XIRP2: variants seen among roughly 807,000 people sequenced by gnomAD.
The protein encoded by XIRP2 is xin actin binding repeat containing 2.
In XIRP2, 236 loss-of-function variants were observed where a neutral mutation model predicts 277.0. The ratio of observed to expected loss-of-function variants is 0.85; its 90% confidence interval spans 0.77 to 0.95. The LOEUF (loss-of-function observed/expected upper bound fraction) is 0.95, where lower values mean the gene tolerates loss of function less well. Ranked by LOEUF, XIRP2 falls within the 40% of genes least tolerant of loss-of-function variation. The pLI is 0.00. For synonymous variants in XIRP2, 1,490 were observed against 1,416.5 expected (o/e 1.05, Z -1.17); for missense variants, 4,640 against 4,157.5 (o/e 1.12, Z -3.19).
At chr2:167,077,241 G>T (rs561257253) in intron 2 of XIRP2, among the ~76,000 whole-genome samples, 1 of 152,092 alleles carries the variant, frequency 6.6e-6, no homozygotes, top group African/African-American at 2.4e-5. Flanking sequence ...ACATGAATGG[G>T]TATTCAGGTG....
At chr2:167,003,946 A>T (rs541956199) in intron 2 of XIRP2, among the ~76,000 whole-genome samples, 3 of 152,060 alleles carry the variant, frequency 2.0e-5, no homozygotes, top group African/African-American at 7.2e-5. Context: ...AATTATTAGG[A>T]TAACAACATA....
At chr2:167,216,881 C>A in intron 4 of XIRP2, among the ~76,000 whole-genome samples, 1 of 115,146 alleles carries the variant, frequency 8.7e-6, no homozygotes, top group Admixed American at 8.1e-5. Context: ...TTGGAACCAA[C>A]CCAAATGTCC....
At chr2:167,109,012 C>T (rs983604833) in intron 2 of XIRP2, among the ~76,000 whole-genome samples, 1 of 151,818 alleles carries the variant, frequency 6.6e-6, no homozygotes, top group Non-Finnish European at 1.5e-5. Context: ...CTGATACTGT[C>T]CTTCCTCCCA....
intron 2 of XIRP2, among the ~76,000 whole-genome samples, chr2:167,025,347 T>C (rs1249553052): frequency 2.6e-5 from 4 of 151,864 alleles, no homozygotes; most frequent in African/African-American, 7.2e-5. Flanking sequence ...TTCTCTCTTT[T>C]CTTCTTTATT....
intron 2 of XIRP2, among the ~76,000 whole-genome samples, chr2:167,007,418 G>T (rs1189830146): frequency 6.6e-6 from 1 of 151,474 alleles, no homozygotes; most frequent in East Asian, 1.9e-4. Flanking sequence ...CATTAATTTA[G>T]GATATCTCAG....
intron 2 of XIRP2, among the ~76,000 whole-genome samples, chr2:166,906,923 G>A (rs1684540290): frequency 6.6e-6 from 1 of 152,014 alleles, no homozygotes; most frequent in South Asian, 2.1e-4. Flanking sequence ...CCATCAATAA[G>A]CAAACAAACA....
At chr2:166,994,974 C>G (rs528072675) in intron 2 of XIRP2, among the ~76,000 whole-genome samples, 12 of 151,922 alleles carry the variant, frequency 7.9e-5, no homozygotes, top group African/African-American at 2.9e-4. Context: ...CTCCGCCTCC[C>G]GGGTTCAAGT....
intron 2 of XIRP2, among the ~76,000 whole-genome samples, chr2:166,950,435 A>T (rs1685996858): frequency 6.6e-6 from 1 of 152,032 alleles, no homozygotes; most frequent in Non-Finnish European, 1.5e-5. Context: ...TAGAGTTGTT[A>T]CTTTTGGCAG....
intron 2 of XIRP2, among the ~76,000 whole-genome samples, chr2:167,101,129 G>T (rs1162959385): frequency 6.6e-6 from 1 of 152,076 alleles, no homozygotes; most frequent in Non-Finnish European, 1.5e-5. Flanking sequence ...TGTAATTCAA[G>T]TACTATGACA....
chr2:166,947,093 T>C (rs1026099872), intron 2 of XIRP2, among the ~76,000 whole-genome samples: 9 of 152,142 alleles, frequency 5.9e-5, no homozygotes, highest in African/African-American at 2.2e-4. Flanking sequence ...AATCTATCAA[T>C]AAACATAGAT....
At chr2:166,910,207 C>T (rs1684660771) in intron 2 of XIRP2, among the ~76,000 whole-genome samples, 1 of 152,090 alleles carries the variant, frequency 6.6e-6, no homozygotes. Flanking sequence ...CTCCTTGTAC[C>T]TCTGGTAGAA....
At chr2:167,024,066 T>C (rs191735036) in intron 2 of XIRP2, among the ~76,000 whole-genome samples, 4,588 of 152,166 alleles carry the variant, frequency 0.03, 81 homozygotes, top group East Asian at 0.083. Context: ...ATTTTCATGA[T>C]ATTGATTCTT....
In XIRP2 at chr2:167,242,826, T is replaced by C. The variant is rs1396230893; in HGVS notation, c.1434T>C (p.Pro478=). Reference sequence around the variant, plus strand: ...CCCAGTCCCCTGAACTGCCCAGTCCTCCTAGAAGACTACCAGTCCCCAAAG... The same window carrying C: ...CCCAGTCCCCTGAACTGCCCAGTCCCCCTAGAAGACTACCAGTCCCCAAAG... The part of the protein sequence containing the change: ...AFSQSPELPS[P]PRRLPVPKDV... The change falls in exon 9 of 11, where the codon CCT becomes CCC. Residue 478 remains proline (P), a synonymous_variant. Coordinates refer to ENST00000409195, the MANE Select transcript of XIRP2 (RefSeq NM_152381.6). 15 of 1,613,986 alleles carry C rather than the reference T, an allele frequency of 9.3e-6. No individual in the cohort carries two copies. The highest frequency in any genetic ancestry group is 1.3e-5 in the Non-Finnish European group (15 of 1,179,994).
At chr2:166,903,940 T>A in intron 2 of XIRP2, 50 bp downstream of exon 2, 1 of 1,556,034 alleles carries the variant, frequency 6.4e-7, no homozygotes, top group Non-Finnish European at 8.7e-7. Flanking sequence ...CTTCCTTGCC[T>A]AGCCTACCAT....
In XIRP2 at chr2:166,903,821, C is replaced by G. The variant is rs377273154; in HGVS notation, c.339C>G (p.Ala113=). Residue 113 remains alanine, a synonymous_variant, in exon 2 of 11, where the codon GCC becomes GCG. Coordinates refer to ENST00000409195, the MANE Select transcript of XIRP2 (RefSeq NM_152381.6). ...GCAGGATTGAACGCTTTTCCATTGCCCTTGATGAGCTGAGGAGTGTGTTTG... is the reference window on the plus strand; with the variant it reads ...GCAGGATTGAACGCTTTTCCATTGCGCTTGATGAGCTGAGGAGTGTGTTTG... ...SRRRIERFSI[A]LDELRSVFEA... 6.2e-7 allele frequency: 1 copy of G among 1,613,620 alleles called. No individual in the cohort carries two copies. Among genetic ancestry groups the G allele is most frequent in the East Asian group, 2.2e-5 (1 of 44,818 alleles).
At chr2:167,012,704 C>A (rs906242519) in intron 2 of XIRP2, among the ~76,000 whole-genome samples, 1 of 151,432 alleles carries the variant, frequency 6.6e-6, no homozygotes, top group Non-Finnish European at 1.5e-5. Context: ...CAGATTCCTT[C>A]TTTCTTCATT....
At chr2:166,929,277 C>T (rs554021175) in intron 2 of XIRP2, among the ~76,000 whole-genome samples, 1 of 152,160 alleles carries the variant, frequency 6.6e-6, no homozygotes, top group African/African-American at 2.4e-5. Flanking sequence ...AACATATCAC[C>T]TTGAGAAATG....
chr2:167,096,014 C>T (rs1690305126), intron 2 of XIRP2, among the ~76,000 whole-genome samples: 1 of 151,230 alleles, frequency 6.6e-6, no homozygotes, highest in African/African-American at 2.4e-5. Flanking sequence ...GCTGGGACTA[C>T]AGGCGCCCAC....
chr2:166,935,560 C>A (rs1013753308), intron 2 of XIRP2, among the ~76,000 whole-genome samples: 2 of 152,048 alleles, frequency 1.3e-5, no homozygotes, highest in Non-Finnish European at 2.9e-5. Flanking sequence ...TTATTGCTAC[C>A]CCCCTCCCCA....
Sources: gnomAD v4.1 joint callset for allele counts (sites outside exome capture counted in the v4.1 genomes callset) on GRCh38, gnomAD v4.1.1 for gene constraint, MANE v1.5 for transcripts, NCBI Gene and HGNC (gene_info 2026-07-23, HGNC 2026-07-21) for gene names.